The following SLC17A6 variants were observed in gnomAD, a reference collection of about 807,000 sequenced individuals.
SLC17A6 encodes the protein solute carrier family 17 member 6.
Under a neutral mutation model 67.1 loss-of-function variants are expected in SLC17A6, and 35 were observed. The observed-to-expected ratio is 0.52, with a 90% CI of 0.40 to 0.69. SLC17A6 has a LOEUF of 0.69. SLC17A6 is among the 30% of genes least tolerant of loss of function. The pLI, the probability that SLC17A6 is intolerant of heterozygous loss-of-function variation, is 0.00. For synonymous variants in SLC17A6, 285 were observed against 252.3 expected, an observed-to-expected ratio of 1.13 and a Z score of -1.23; for missense variants, 588 against 723.9, an observed-to-expected ratio of 0.81 and a Z score of 2.15.
chr11:22,376,307 G>T (rs553939504), intron 10 of SLC17A6, among the ~76,000 whole-genome samples: 11 of 151,496 alleles, frequency 7.3e-5, no homozygotes, highest in Admixed American at 3.3e-4. Flanking sequence ...GCCTTTTTTT[G>T]TTGTTGTTAA....
chr11:22,344,714 T>C, intron 3 of SLC17A6, among the ~76,000 whole-genome samples: 1 of 152,252 alleles, frequency 6.6e-6, no homozygotes, highest in South Asian at 2.1e-4. Flanking sequence ...CATCTGCTGA[T>C]GGACACTTGA....
At chr11:22,374,947 G>C in intron 9 of SLC17A6, 60 bp downstream of exon 9, 1 of 1,457,238 alleles carries the variant, frequency 6.9e-7, no homozygotes, top group South Asian at 1.5e-5. Flanking sequence ...ACCTACATGA[G>C]AGAATAACTT....
chr11:22,373,760 C>CTA (rs370964425), intron 8 of SLC17A6, among the ~76,000 whole-genome samples: 2 of 152,124 alleles, frequency 1.3e-5, no homozygotes, highest in African/African-American at 4.8e-5. Context: ...AGAGATCATT[C>CTA]TATAGCCTGA....
chr11:22,357,609 G>A (rs759124111), intron 3 of SLC17A6, among the ~76,000 whole-genome samples: 1 of 151,976 alleles, frequency 6.6e-6, no homozygotes, highest in Non-Finnish European at 1.5e-5. Flanking sequence ...CTAAAGAATG[G>A]GTAATATTCA....
At chr11:22,357,444 G>T (rs893770579) in intron 3 of SLC17A6, among the ~76,000 whole-genome samples, 9 of 152,218 alleles carry the variant, frequency 5.9e-5, no homozygotes, top group African/African-American at 2.2e-4. Flanking sequence ...AGACATTTTT[G>T]GTTGCCATAA....
chr11:22,341,281 G>C (rs962524620), intron 1 of SLC17A6, among the ~76,000 whole-genome samples: 3 of 152,182 alleles, frequency 2.0e-5, no homozygotes, highest in Non-Finnish European at 4.4e-5. Flanking sequence ...ATGGGGACTC[G>C]CTACCTTAGG....
At chr11:22,353,247 G>A (rs1486076653) in intron 3 of SLC17A6, among the ~76,000 whole-genome samples, 4 of 152,018 alleles carry the variant, frequency 2.6e-5, no homozygotes, top group Admixed American at 2.6e-4. Flanking sequence ...CCATTATACA[G>A]ACCAAGAAAT....
At chr11:22,351,273 A>G (rs905746903) in intron 3 of SLC17A6, among the ~76,000 whole-genome samples, 2 of 152,130 alleles carry the variant, frequency 1.3e-5, no homozygotes, top group African/African-American at 2.4e-5. Flanking sequence ...GGATACATGT[A>G]CAGGCTTGTC....
At chr11:22,376,434 C>A in intron 10 of SLC17A6, 111 bp from the exon 11 acceptor site, 1 of 1,157,986 alleles carries the variant, frequency 8.6e-7, no homozygotes, top group Non-Finnish European at 1.2e-6. Context: ...AGTAATTAAG[C>A]ACGTGTTCTG....
chr11:22,339,141 TG>T (rs1393827333), intron 1 of SLC17A6, among the ~76,000 whole-genome samples: 4 of 43,256 alleles, frequency 9.2e-5, no homozygotes, highest in Admixed American at 3.3e-4. Flanking sequence ...TATATATATA[TG>T]TTATATATAG....
Position 22,379,295 on chromosome 11 carries a change from C to T in SLC17A6, c.*1555C>T, listed in dbSNP as rs879741533. The T allele has an allele frequency of 6.6e-6, 1 of 152,196 alleles. No individual in the cohort carries two copies. Among genetic ancestry groups the T allele is most frequent in the Non-Finnish European group, 1.5e-5 (1 of 67,950 alleles). 9.4% of individuals were successfully genotyped at this position (152,196 alleles called of 1,614,324 possible). On this transcript the variant is annotated 3_prime_UTR_variant, in exon 12 of 12. Transcript: ENST00000263160. ...TGTACTGTGCTAGTGACTGGAGGCC[C>T]TGCTACTGCAAATATAAAACATAAA...
rs75191015 is a variant in SLC17A6 at position 22,365,164 on chromosome 11, C to T, written c.749-383C>T. ...AGGCAATAAAGAAAAGAATTTGCCC[C>T]CAGAATAATTCTTTGAGGACAGGAA... On this transcript the variant is annotated intron_variant, in intron 6 of 11. Coordinates refer to ENST00000263160, the MANE Select transcript of SLC17A6 (RefSeq NM_020346.3). Among the ~76,000 whole-genome samples the T allele has an allele frequency of 8.5e-3, 1,300 of 152,204 alleles. 18 individuals carry two copies. The highest frequency in any genetic ancestry group is 0.03 in the African/African-American group (1,227 of 41,544).
chr11:22,378,967 T>C lies in SLC17A6; in HGVS notation c.*1227T>C, dbSNP rs956782218. 3 of 152,492 alleles carry C rather than the reference T, an allele frequency of 2.0e-5. No individual in the cohort carries two copies. The highest frequency in any genetic ancestry group is 2.9e-5 in the Non-Finnish European group (2 of 67,974). 9.4% of individuals were successfully genotyped at this position (152,492 alleles called of 1,614,324 possible). A position where few individuals can be genotyped will look rare whatever the true frequency, so the allele number is the denominator to read the frequency against. The stretch of plus-strand genomic sequence containing the variant: ...TAGGGAATTGCAATTTCTACTTTCA[T>C]AGAGTCATAGAATTTTAGGTGGGGA... On this transcript the variant is annotated 3_prime_UTR_variant, in exon 12 of 12. Transcript: ENST00000263160.
intron 8 of SLC17A6, 118 bp downstream of exon 8, chr11:22,370,306 AACAAATAAC>A: frequency 1.3e-6 from 1 of 792,620 alleles, no homozygotes; most frequent in Non-Finnish European, 2.0e-6. Context: ...TTATTCATTA[AACAAATAAC>A]TGCTAGGAAA....
intron 1 of SLC17A6, among the ~76,000 whole-genome samples, chr11:22,340,677 T>C (rs1387828730): frequency 6.6e-6 from 1 of 152,126 alleles, no homozygotes; most frequent in East Asian, 1.9e-4. Flanking sequence ...AGATTGTGAA[T>C]AATTAATTAT....
intron 3 of SLC17A6, among the ~76,000 whole-genome samples, chr11:22,343,877 C>A (rs1461668063): frequency 2.0e-5 from 3 of 152,090 alleles, no homozygotes; most frequent in South Asian, 2.1e-4. Flanking sequence ...CAGGCACCAG[C>A]GATGCGATTT....
Position 22,365,585 on chromosome 11 carries a change from G to C in SLC17A6, c.787G>C (p.Val263Leu). ...GMVWYMFWLLVSYESPAKHPT... is the reference protein window; with the variant it reads ...GMVWYMFWLLLSYESPAKHPT... ...GGTCTGGTACATGTTTTGGCTTTTG[G>C]TGTCTTATGAAAGTCCTGCAAAGCA... Residue 263 changes from valine (V) to leucine (L), a missense_variant, in exon 7 of 12, where the codon GTG becomes CTG. Val to Leu is a conservative substitution (Grantham distance 32). This residue lies in a region of SLC17A6 where 414 missense variants were observed against 563.4 expected (regional missense o/e 0.73). Coordinates refer to ENST00000263160, the MANE Select transcript of SLC17A6 (RefSeq NM_020346.3). The C allele has an allele frequency of 6.2e-7, 1 of 1,614,006 alleles. No homozygotes were observed. The highest frequency in any genetic ancestry group is 8.5e-7 in the Non-Finnish European group (1 of 1,179,920).
chr11:22,362,416 T>G (rs2133870815), intron 5 of SLC17A6: 2 of 379,352 alleles, frequency 5.3e-6, no homozygotes, highest in Non-Finnish European at 1.0e-5. Context: ...CTGGTTAGTA[T>G]TGCCATACTC....
chr11:22,352,130 G>GAC (rs1262409310), intron 3 of SLC17A6, among the ~76,000 whole-genome samples: 1 of 145,430 alleles, frequency 6.9e-6, no homozygotes, highest in Admixed American at 7.4e-5. Flanking sequence ...GAGCTTCAGA[G>GAC]ACAGTGGTTT....
Sources: allele counts gnomAD v4.1 joint callset (sites outside exome capture counted in the v4.1 genomes callset), GRCh38; gene constraint gnomAD v4.1.1; regional missense constraint gnomAD v4.1.1; transcripts MANE v1.5; gene names NCBI Gene and HGNC (gene_info 2026-07-23, HGNC 2026-07-21).